Variants in MSTO1 observed in about 807,000 individuals in gnomAD.
MSTO1 encodes protein misato homolog 1.
In MSTO1, 24 loss-of-function variants were observed where a neutral mutation model predicts 55.7. The observed-to-expected ratio is 0.43, with a 90% confidence interval of 0.31 to 0.61. MSTO1 has a LOEUF of 0.61. MSTO1 is among the 20% of genes least tolerant of loss of function. The pLI is 0.09. For synonymous variants in MSTO1, 162 were observed against 252.8 expected (o/e 0.64, Z 3.41); for missense variants, 363 against 625.7 (o/e 0.58, Z 4.48).
At chr1:155,563,809 A>T in the MSTO1 span, 1 of 348,340 alleles carries the variant, frequency 2.9e-6, no homozygotes, top group East Asian at 7.7e-5. Context: ...GTAAAGTGGA[A>T]TTAGCTCCTA....
the MSTO1 span, among the ~76,000 whole-genome samples, chr1:155,578,045 G>C: frequency 1.3e-5 from 2 of 152,128 alleles, no homozygotes; most frequent in Non-Finnish European, 2.9e-5. Context: ...CACCTAGCTA[G>C]CTTGACAATT....
chr1:155,572,154 C>T, the MSTO1 span, among the ~76,000 whole-genome samples: 1 of 151,956 alleles, frequency 6.6e-6, no homozygotes. Flanking sequence ...ATGGATCATT[C>T]TTTGTTGTGG....
At chr1:155,563,972 A>G in the MSTO1 span, 1 of 176,944 alleles carries the variant, frequency 5.7e-6, no homozygotes. Context: ...TGGCTACTGA[A>G]TATTTGTTTC....
chr1:155,603,087 A>G, the MSTO1 span, among the ~76,000 whole-genome samples: 410 of 152,174 alleles, frequency 2.7e-3, no homozygotes, highest in Non-Finnish European at 4.2e-3. Context: ...CACTTTGGTC[A>G]GGCACAGGGG....
the MSTO1 span, chr1:155,590,544 G>T: frequency 1.2e-6 from 1 of 847,010 alleles, no homozygotes; most frequent in Non-Finnish European, 1.9e-6. Flanking sequence ...CAAAGCTGTT[G>T]GGCACTGCCA....
the MSTO1 span, among the ~76,000 whole-genome samples, chr1:155,589,275 G>C: frequency 6.6e-6 from 1 of 151,428 alleles, no homozygotes; most frequent in Non-Finnish European, 1.5e-5. Flanking sequence ...TCTAGCCTGG[G>C]CAATAGAGCG....
At chr1:155,589,715 C>T in the MSTO1 span, among the ~76,000 whole-genome samples, 1 of 151,824 alleles carries the variant, frequency 6.6e-6, no homozygotes, top group Non-Finnish European at 1.5e-5. Flanking sequence ...GCATCTAGCT[C>T]AGGAGAAAGA....
the MSTO1 span, among the ~76,000 whole-genome samples, chr1:155,596,289 T>G: frequency 2.0e-5 from 3 of 152,210 alleles, no homozygotes; most frequent in Non-Finnish European, 4.4e-5. Flanking sequence ...CCTCTGGGGT[T>G]TCTATGGAAA....
chr1:155,609,241 A>ATTTTTT (rs1481008523), upstream of MSTO1, among the ~76,000 whole-genome samples: 5 of 48,342 alleles, frequency 1.0e-4, no homozygotes, highest in Non-Finnish European at 1.4e-4. Flanking sequence ...ATATATATAT[A>ATTTTTT]TATTTTTTTT....
upstream of MSTO1, among the ~76,000 whole-genome samples, chr1:155,605,537 C>G (rs369046040): frequency 9.9e-5 from 15 of 152,256 alleles, no homozygotes; most frequent in African/African-American, 3.1e-4. Flanking sequence ...GCAGGCAGGG[C>G]ATGGTTCACT....
At chr1:155,590,582 G>A in the MSTO1 span, 2 of 1,208,032 alleles carry the variant, frequency 1.7e-6, no homozygotes, top group Non-Finnish European at 2.3e-6. Context: ...TGCCAGCGGA[G>A]CCCCCATTCA....
the MSTO1 span, chr1:155,563,481 A>G: frequency 4.4e-6 from 2 of 456,612 alleles, no homozygotes; most frequent in East Asian, 1.4e-4. Context: ...GACCCGAGGA[A>G]GATCGGCGTG....
chr1:155,569,394 C>G, the MSTO1 span, among the ~76,000 whole-genome samples: 2 of 148,516 alleles, frequency 1.3e-5, no homozygotes, highest in East Asian at 3.9e-4. Context: ...CTCGGCCTCC[C>G]AAAGTGCTGG....
At chr1:155,613,320 A>G in intron 11 of MSTO1, 87 bp downstream of exon 11, 3 of 1,578,008 alleles carry the variant, frequency 1.9e-6, no homozygotes, top group South Asian at 1.2e-5. Flanking sequence ...TTCTAATGAT[A>G]CTGTTCCCTC....
chr1:155,603,177 C>T, the MSTO1 span, among the ~76,000 whole-genome samples: 1 of 152,026 alleles, frequency 6.6e-6, no homozygotes. Context: ...CCAGCCTGGC[C>T]AACATGGTGA....
At chr1:155,610,119 A>G (rs1673493360), upstream of MSTO1, 1 of 855,692 alleles carries the variant, frequency 1.2e-6, no homozygotes, top group Admixed American at 2.7e-5. Flanking sequence ...CGTTTCTCCA[A>G]TGGGAAAGGA....
chr1:155,598,335 G>A, the MSTO1 span, among the ~76,000 whole-genome samples: 2 of 151,758 alleles, frequency 1.3e-5, no homozygotes, highest in Non-Finnish European at 2.9e-5. Context: ...GGCTGTTCTC[G>A]AACTTCTGAC....
the MSTO1 span, chr1:155,590,814 G>C: frequency 1.9e-6 from 3 of 1,607,074 alleles, no homozygotes; most frequent in Non-Finnish European, 2.6e-6. Context: ...CAGCCACCAG[G>C]GGGTTATAGA....
the MSTO1 span, chr1:155,599,010 A>C: frequency 1.4e-6 from 1 of 694,082 alleles, no homozygotes; most frequent in South Asian, 1.8e-5. Flanking sequence ...GGGATCTGAT[A>C]GCTAAAGGAA....
Sources: gnomAD v4.1 joint callset for allele counts (sites outside exome capture counted in the v4.1 genomes callset) on GRCh38, gnomAD v4.1.1 for gene constraint, MANE v1.5 for transcripts, NCBI Gene and HGNC (gene_info 2026-07-23, HGNC 2026-07-21) for gene names.